Variants in JAZF1 observed in about 807,000 individuals in gnomAD.
The protein encoded by JAZF1 is JAZF zinc finger 1, also known as juxtaposed with another zinc finger protein 1.
In JAZF1, 8 loss-of-function variants were observed where a neutral mutation model predicts 26.4. The observed-to-expected ratio is 0.30, with a 90% CI of 0.18 to 0.55. The LOEUF is 0.55. JAZF1 is among the 20% of genes least tolerant of loss of function. JAZF1 has a pLI of 0.94. For synonymous variants in JAZF1, 126 were observed against 122.3 expected (o/e 1.03, Z -0.20); for missense variants, 199 against 322.0 (o/e 0.62, Z 2.92).
chr7:27,895,684 G>C (rs1254530141), intron 2 of JAZF1, among the ~76,000 whole-genome samples: 1 of 152,064 alleles, frequency 6.6e-6, no homozygotes, highest in Admixed American at 6.5e-5. Flanking sequence ...GAATACATCT[G>C]CACCCACTGT....
intron 2 of JAZF1, among the ~76,000 whole-genome samples, chr7:27,942,015 T>A (rs1784855553): frequency 6.6e-6 from 1 of 152,124 alleles, no homozygotes; most frequent in African/African-American, 2.4e-5. Context: ...AATCACTTCA[T>A]CAGAAAAATG....
chr7:28,120,020 C>T (rs1344095917), intron 1 of JAZF1, among the ~76,000 whole-genome samples: 1 of 152,182 alleles, frequency 6.6e-6, no homozygotes, highest in African/African-American at 2.4e-5. Flanking sequence ...TCTGTTCCCT[C>T]TAACCCTGCC....
chr7:28,122,706 C>T (rs1406155236), intron 1 of JAZF1, among the ~76,000 whole-genome samples: 2 of 152,170 alleles, frequency 1.3e-5, no homozygotes, highest in East Asian at 1.9e-4. Flanking sequence ...TCCCGGAACA[C>T]CAACCAACAC....
intron 1 of JAZF1, among the ~76,000 whole-genome samples, chr7:28,060,765 C>G (rs952718515): frequency 6.6e-6 from 1 of 152,174 alleles, no homozygotes; most frequent in Non-Finnish European, 1.5e-5. Context: ...TACAGTTCAA[C>G]TTGGGTGGGC....
At chr7:27,924,077 C>T (rs1784574328) in intron 2 of JAZF1, among the ~76,000 whole-genome samples, 1 of 152,144 alleles carries the variant, frequency 6.6e-6, no homozygotes, top group South Asian at 2.1e-4. Flanking sequence ...TCTCCTCTGG[C>T]AGCTGTATCA....
intron 1 of JAZF1, among the ~76,000 whole-genome samples, chr7:28,009,506 CAG>C (rs1286073574): frequency 2.7e-5 from 4 of 148,262 alleles, no homozygotes; most frequent in Non-Finnish European, 5.9e-5. Flanking sequence ...TTTTTTGAGA[CAG>C]AGTCTCGCTC....
chr7:28,044,471 G>A (rs1166973086), intron 1 of JAZF1, among the ~76,000 whole-genome samples: 4 of 152,186 alleles, frequency 2.6e-5, no homozygotes, highest in African/African-American at 7.2e-5. Context: ...GCAGGTACAG[G>A]GATGAGTGAT....
intron 1 of JAZF1, among the ~76,000 whole-genome samples, chr7:28,148,487 C>T (rs1783061166): frequency 6.6e-6 from 1 of 152,148 alleles, no homozygotes; most frequent in Non-Finnish European, 1.5e-5. Context: ...TAGGATATTT[C>T]CAATTATTTG....
intron 1 of JAZF1, among the ~76,000 whole-genome samples, chr7:28,026,511 C>T (rs1014338234): frequency 6.6e-6 from 1 of 152,154 alleles, no homozygotes; most frequent in Non-Finnish European, 1.5e-5. Context: ...GGCTCAGGTT[C>T]CTCCGGGTGA....
chr7:27,994,104 T>A (rs1033392483), intron 1 of JAZF1, among the ~76,000 whole-genome samples: 6 of 152,222 alleles, frequency 3.9e-5, no homozygotes, highest in Admixed American at 3.3e-4. Flanking sequence ...CGTGTGTATG[T>A]GTACAAAGAT....
At chr7:28,066,046 G>T (rs1783876056) in intron 1 of JAZF1, among the ~76,000 whole-genome samples, 2 of 152,138 alleles carry the variant, frequency 1.3e-5, no homozygotes, top group Admixed American at 1.3e-4. Flanking sequence ...TGCTATCTCT[G>T]TTTTTTGTTT....
At chr7:27,973,903 T>C (rs1008546794) in intron 2 of JAZF1, among the ~76,000 whole-genome samples, 1 of 151,862 alleles carries the variant, frequency 6.6e-6, no homozygotes, top group Non-Finnish European at 1.5e-5. Flanking sequence ...CTTGGGACAA[T>C]CCCAAACAGG....
chr7:27,860,977 C>A (rs6462058), intron 3 of JAZF1, among the ~76,000 whole-genome samples: 43,432 of 152,106 alleles, frequency 0.29, 7,132 homozygotes, highest in African/African-American at 0.46. Flanking sequence ...CCCTTCTCCA[C>A]TGTCCCAGCA....
At chr7:27,866,183 A>G (rs1783469531) in intron 3 of JAZF1, among the ~76,000 whole-genome samples, 1 of 152,208 alleles carries the variant, frequency 6.6e-6, no homozygotes, top group South Asian at 2.1e-4. Context: ...TAGTATGGAT[A>G]TTTTGTACTT....
intron 1 of JAZF1, among the ~76,000 whole-genome samples, chr7:28,027,697 G>C (rs1783117920): frequency 6.6e-6 from 1 of 152,152 alleles, no homozygotes; most frequent in Non-Finnish European, 1.5e-5. Flanking sequence ...TCATCACCTA[G>C]TCCAGGCCAG....
Position 28,133,387 on chromosome 7 carries a change from G to T in JAZF1, c.115+47076C>A, listed in dbSNP as rs145807095. ...ATCACAACAGGGAAAGAAAATCCAA[G>T]AATCATAAGCCTATCAGCTGCTTAG... On this transcript the variant is annotated intron_variant, in intron 1 of 4. Coordinates refer to ENST00000283928, the MANE Select transcript of JAZF1 (RefSeq NM_175061.4). 3.3e-3 allele frequency among the ~76,000 whole-genome samples: 505 copies of T among 152,284 alleles called. 3 individuals are homozygous for T. Among genetic ancestry groups the T allele is most frequent in the African/African-American group, 0.012 (478 of 41,554 alleles).
chr7:28,142,073 T>C (rs1782967182), intron 1 of JAZF1, among the ~76,000 whole-genome samples: 1 of 152,194 alleles, frequency 6.6e-6, no homozygotes, highest in Non-Finnish European at 1.5e-5. Flanking sequence ...AGGTATATGA[T>C]TAAATGAAAT....
rs528933686 is a variant in JAZF1, at chr7:28,027,480, A to G, written c.116-35499T>C. Among the ~76,000 whole-genome samples the G allele has an allele frequency of 1.5e-4, 23 of 152,322 alleles. No homozygotes were observed. The South Asian group carries it at 4.6e-3, about 30-fold the overall frequency. ...ATAAAGAGTTACCATTGGCATATTG[A>G]TAAAGTTTTTTGATAAAATTTTACT... On this transcript the variant is annotated intron_variant, in intron 1 of 4. Coordinates refer to ENST00000283928, the MANE Select transcript of JAZF1 (RefSeq NM_175061.4).
At chr7:27,870,835 A>G (rs1783567817) in intron 3 of JAZF1, among the ~76,000 whole-genome samples, 1 of 152,154 alleles carries the variant, frequency 6.6e-6, no homozygotes. Flanking sequence ...TCAGGCATAC[A>G]CCAGCGCACG....
Sources: allele counts gnomAD v4.1 joint callset (sites outside exome capture counted in the v4.1 genomes callset), GRCh38; gene constraint gnomAD v4.1.1; transcripts MANE v1.5; gene names NCBI Gene and HGNC (gene_info 2026-07-23, HGNC 2026-07-21).